DCP1B: variants seen among roughly 807,000 people sequenced by gnomAD.
DCP1B encodes the protein decapping mRNA 1B.
Under a neutral mutation model 60.5 loss-of-function variants are expected in DCP1B, and 47 were observed. That is an observed-to-expected ratio of 0.78 (90% CI 0.61 to 0.99). The LOEUF (loss-of-function observed/expected upper bound fraction) is 0.99. DCP1B is among the 50% of genes least tolerant of loss of function. The probability of loss-of-function intolerance (pLI) is 0.00; values close to 1 mark genes in which losing one functional copy is unlikely to be tolerated. For synonymous variants in DCP1B, 267 were observed against 280.3 expected, an observed-to-expected ratio of 0.95 and a Z score of 0.47; for missense variants, 725 against 756.8, an observed-to-expected ratio of 0.96 and a Z score of 0.49.
chr12:1,952,933 G>A lies in DCP1B; in HGVS notation c.1007C>T (p.Ser336Phe), dbSNP rs758239091. ...ACGAGAAGTTCCAATGTTGTGAGGA[G>A]ACCCTGGCTGGACAGGTCCTGTAAA... ...EFFTGPVQPG[S>F]PHNIGTSRGV... Residue 336 changes from serine to phenylalanine, a missense_variant, in exon 7 of 9, where the codon TCT (serine) becomes TTT (phenylalanine). Transcript: ENST00000280665. 15 of 1,614,070 alleles carry A rather than the reference G, an allele frequency of 9.3e-6. No homozygotes were observed. Among genetic ancestry groups the A allele is most frequent in the African/African-American group, 1.3e-5 (1 of 74,922 alleles).
chr12:1,988,728 A>G (rs2038517357), intron 3 of DCP1B, among the ~76,000 whole-genome samples: 1 of 152,218 alleles, frequency 6.6e-6, no homozygotes, highest in Non-Finnish European at 1.5e-5. Flanking sequence ...TCACTTTAGA[A>G]GGCAACTTTT....
At chr12:1,976,942 G>A (rs572094202) in intron 3 of DCP1B, among the ~76,000 whole-genome samples, 1 of 152,104 alleles carries the variant, frequency 6.6e-6, no homozygotes, top group African/African-American at 2.4e-5. Flanking sequence ...GATTCTCATA[G>A]GGGTTTGTGA....
At chr12:1,943,534 T>A (rs1239833813), downstream of DCP1B, among the ~76,000 whole-genome samples, 1 of 151,856 alleles carries the variant, frequency 6.6e-6, no homozygotes, top group East Asian at 1.9e-4. Flanking sequence ...AAAGCGAAAA[T>A]CCTTAATAAA....
intron 6 of DCP1B, among the ~76,000 whole-genome samples, chr12:1,954,536 GTATATA>G (rs34045825): frequency 2.7e-5 from 4 of 150,186 alleles, no homozygotes; most frequent in Non-Finnish European, 3.0e-5. Flanking sequence ...ATTCTGAAGT[GTATATA>G]TATATATATA....
rs1038495536 is a variant in DCP1B at position 1,957,804 on chromosome 12, A to G, written c.523-2244T>C. Among the ~76,000 whole-genome samples the G allele has an allele frequency of 3.9e-5, 6 of 152,392 alleles. No homozygotes were observed. The South Asian group carries it at 1.0e-3, about 26-fold the overall frequency. ...GAGAATGCACAAAATTTCAGCCAAA[A>G]TAAGTTTTCAAATTATTTTATTAAC... On this transcript the variant is annotated intron_variant, in intron 5 of 8. Transcript: ENST00000280665.
rs189085146 is a variant in DCP1B, at chr12:1,998,420, C to T, written c.151-445G>A. 2.4e-3 allele frequency among the ~76,000 whole-genome samples: 367 copies of T among 152,202 alleles called. 3 individuals carry two copies. Among genetic ancestry groups the T allele is most frequent in the African/African-American group, 7.8e-3 (322 of 41,522 alleles). ...TGGGTTCATTTTCTCCTGCCATATC[C>T]AGTGACTTAGGAGAGCAGATGATCT... On this transcript the variant is annotated intron_variant, in intron 1 of 8. Coordinates refer to ENST00000280665, the MANE Select transcript of DCP1B (RefSeq NM_152640.5).
chr12:1,955,854 AT>A (rs1230759627), intron 5 of DCP1B, among the ~76,000 whole-genome samples: 267 of 152,336 alleles, frequency 1.8e-3, no homozygotes, highest in African/African-American at 6.0e-3. Context: ...TGTGCTTAAT[AT>A]ATTGACTATA....
intron 5 of DCP1B, among the ~76,000 whole-genome samples, chr12:1,964,540 T>C (rs2031231415): frequency 6.6e-6 from 1 of 152,196 alleles, no homozygotes; most frequent in Non-Finnish European, 1.5e-5. Flanking sequence ...TTTCTTCTGG[T>C]ACTTGAATCA....
Position 1,996,322 on chromosome 12 carries a change from A to G in DCP1B, c.191+1613T>C, listed in dbSNP as rs527268261. Among the ~76,000 whole-genome samples the G allele has an allele frequency of 2.6e-5, 4 of 152,064 alleles. No individual in the cohort carries two copies. The South Asian group carries it at 6.2e-4, about 24-fold the overall frequency. ...AGAGTCTGCCATTCCAAGCTAGCAAATCTCTTTACACTTGCTAACTACTAT... is the reference window on the plus strand; with the variant it reads ...AGAGTCTGCCATTCCAAGCTAGCAAGTCTCTTTACACTTGCTAACTACTAT... On this transcript the variant is annotated intron_variant, in intron 2 of 8. Transcript: ENST00000280665.
intron 1 of DCP1B, among the ~76,000 whole-genome samples, chr12:1,999,842 A>G (rs2041780537): frequency 6.6e-6 from 1 of 152,252 alleles, no homozygotes; most frequent in African/African-American, 2.4e-5. Context: ...TGAAGTTTGT[A>G]TAAATCACCA....
At position 1,967,919 on chromosome 12, in the gene DCP1B, A is replaced by C; in HGVS notation, c.320-9T>G. The C allele has an allele frequency of 6.2e-7, 1 of 1,609,028 alleles. No homozygotes were observed. The highest frequency in any genetic ancestry group is 8.5e-7 in the Non-Finnish European group (1 of 1,178,624). On this transcript the variant is annotated splice_polypyrimidine_tract_variant and intron_variant, in intron 3 of 8. Transcript: ENST00000280665. Reference sequence around the variant, plus strand: ...AATTCCATAGATGGACACTGCAAAAAACACACATCAAACAAATTATGAGCA... The same window carrying C: ...AATTCCATAGATGGACACTGCAAAACACACACATCAAACAAATTATGAGCA...
chr12:2,001,430 G>C (rs1187971925), intron 1 of DCP1B, among the ~76,000 whole-genome samples: 1 of 152,110 alleles, frequency 6.6e-6, no homozygotes, highest in Non-Finnish European at 1.5e-5. Flanking sequence ...AAAGAAATAA[G>C]CAATTCAGAA....
chr12:1,964,652 G>A (rs955361327), intron 5 of DCP1B, among the ~76,000 whole-genome samples: 26 of 152,180 alleles, frequency 1.7e-4, no homozygotes, highest in African/African-American at 5.8e-4. Context: ...GCTACCAGTT[G>A]CCCCAACACC....
At chr12:1,957,493 AT>A (rs1285246653) in intron 5 of DCP1B, among the ~76,000 whole-genome samples, 1 of 152,154 alleles carries the variant, frequency 6.6e-6, no homozygotes, top group African/African-American at 2.4e-5. Context: ...CAACAAAAAA[AT>A]TTCTATAATT....
chr12:1,950,409 T>C, intron 7 of DCP1B: 1 of 702,344 alleles, frequency 1.4e-6, no homozygotes, highest in Non-Finnish European at 2.6e-6. Flanking sequence ...ACATCAGAAA[T>C]TTAAGTCAGA....
intron 8 of DCP1B, among the ~76,000 whole-genome samples, chr12:1,947,709 A>C (rs768866540): frequency 6.6e-6 from 1 of 152,202 alleles, no homozygotes; most frequent in Non-Finnish European, 1.5e-5. Context: ...AAGGTGGCAA[A>C]TATTTTTATC....
chr12:1,969,799 T>C (rs751751095), intron 3 of DCP1B, among the ~76,000 whole-genome samples: 2 of 152,174 alleles, frequency 1.3e-5, no homozygotes, highest in African/African-American at 4.8e-5. Flanking sequence ...AACCACTTAA[T>C]AAATCTGAGT....
chr12:1,982,560 T>A (rs1230223076), intron 3 of DCP1B, among the ~76,000 whole-genome samples: 1 of 152,198 alleles, frequency 6.6e-6, no homozygotes, highest in Non-Finnish European at 1.5e-5. Context: ...TATTCTCTTT[T>A]GAGGTTGAAT....
In DCP1B at chr12:1,965,679, T is replaced by TA. The variant is rs1174910126; in HGVS notation, c.400_401insT (p.Glu134ValfsTer43). 2 of 1,611,008 alleles carry TA rather than the reference T, an allele frequency of 1.2e-6. No individual in the cohort carries two copies. Among genetic ancestry groups the TA allele is most frequent in the South Asian group, 2.2e-5 (2 of 90,376 alleles). ...AGTTCCCTGATGGGCTTTCAACTGTTCATACTGAGTTAGGCTAGAAAAACA... is the reference window on the plus strand; with the variant it reads ...AGTTCCCTGATGGGCTTTCAACTGTTACATACTGAGTTAGGCTAGAAAAACA... On this transcript the variant is annotated frameshift_variant, in exon 5 of 9. Coordinates refer to ENST00000280665, the MANE Select transcript of DCP1B (RefSeq NM_152640.5). LOFTEE classifies it high-confidence loss of function.
Sources: allele counts gnomAD v4.1 joint callset (sites outside exome capture counted in the v4.1 genomes callset), GRCh38; gene constraint gnomAD v4.1.1; transcripts MANE v1.5; gene names NCBI Gene and HGNC (gene_info 2026-07-23, HGNC 2026-07-21).